Variants in ZHX3 observed in about 807,000 individuals in gnomAD.
ZHX3 encodes the protein zinc fingers and homeoboxes 3, also known as zinc fingers and homeoboxes protein 3.
Under a neutral mutation model 64.5 loss-of-function variants are expected in ZHX3, and 20 were observed. That is an observed-to-expected ratio of 0.31 (90% CI 0.22 to 0.45). The LOEUF is 0.45. ZHX3 is among the 20% of genes least tolerant of loss of function. The pLI, the probability that ZHX3 is intolerant of heterozygous loss-of-function variation, is 1.00. For missense variants in ZHX3, 1,041 were observed against 1,195.8 expected (o/e 0.87, Z 1.91); for synonymous variants, 423 against 461.6 (o/e 0.92, Z 1.07).
In ZHX3 at chr20:41,203,180, C is replaced by T. The variant is rs371228568; in HGVS notation, c.1737G>A (p.Ser579=). Reference sequence around the variant, plus strand: ...TGCAGGTTACCTCAGGGACCTTGGACGATGGGGAGAAGGACACCTCTGGCA... The same window carrying T: ...TGCAGGTTACCTCAGGGACCTTGGATGATGGGGAGAAGGACACCTCTGGCA... ...DSVPEVSFSP[S]SKVPEVTCIP... is the part of the protein sequence containing the mutation. Residue 579 remains serine (S), a synonymous_variant, in exon 3 of 4, where the codon TCG becomes TCA. Transcript: ENST00000683867. This position sits in a 1 kb window ranked among gnomAD's most constrained non-coding sequence, Gnocchi z 7.1. 6.8e-5 allele frequency: 109 copies of T among 1,613,948 alleles called. No homozygotes were observed. The Admixed American group carries it at 1.4e-3, about 20-fold the overall frequency.
Position 41,180,815 on chromosome 20 carries a change from A to C in ZHX3, c.*4376T>G, listed in dbSNP as rs2036223585. On this transcript the variant is annotated 3_prime_UTR_variant, in exon 4 of 4. Coordinates refer to ENST00000683867, the MANE Select transcript of ZHX3 (RefSeq NM_001384317.1). ...CTTGATTGCCACTTTTCCTCCAGCC[A>C]CTCTGTCAAAATCAAAACTGGTTGC... The C allele has an allele frequency of 6.6e-6, 1 of 152,020 alleles. No homozygotes were observed. The highest frequency in any genetic ancestry group is 1.5e-5 in the Non-Finnish European group (1 of 68,022). The allele number at this position is 152,020 out of a possible 1,614,324, so 9.4% of individuals were successfully genotyped here. A position where few individuals can be genotyped will look rare whatever the true frequency, so the allele number is the denominator to read the frequency against.
intron 2 of ZHX3, among the ~76,000 whole-genome samples, chr20:41,253,994 T>C (rs2042115366): frequency 6.6e-6 from 1 of 152,100 alleles, no homozygotes; most frequent in Non-Finnish European, 1.5e-5. Context: ...TCAATACTTG[T>C]TAGTTCTCAG....
intron 2 of ZHX3, among the ~76,000 whole-genome samples, chr20:41,237,163 G>C (rs369817529): frequency 1.3e-5 from 2 of 152,218 alleles, no homozygotes; most frequent in Admixed American, 1.3e-4. Context: ...ACACTGTTGG[G>C]GGGACTGTAA....
chr20:41,305,992 T>C (rs1224605653), intron 1 of ZHX3, among the ~76,000 whole-genome samples: 14 of 152,124 alleles, frequency 9.2e-5, no homozygotes, highest in Non-Finnish European at 1.5e-4. Context: ...TCCATTGTTG[T>C]AATAAAAAAT....
intron 3 of ZHX3, chr20:41,188,699 C>T (rs989333794): frequency 1.4e-4 from 21 of 152,242 alleles, no homozygotes; most frequent in African/African-American, 5.1e-4. Context: ...CTGTGCCCCA[C>T]CTTTTGCCCA....
chr20:41,215,020 G>A (rs1261495700), intron 2 of ZHX3, among the ~76,000 whole-genome samples: 2 of 152,128 alleles, frequency 1.3e-5, no homozygotes, highest in Non-Finnish European at 2.9e-5. Flanking sequence ...TTGGAAGGCC[G>A]AAACGAGTGG....
At chr20:41,234,796 C>T (rs935046541) in intron 2 of ZHX3, among the ~76,000 whole-genome samples, 6 of 152,240 alleles carry the variant, frequency 3.9e-5, no homozygotes, top group Non-Finnish European at 8.8e-5. Context: ...CAGCTGGCTG[C>T]TCGGCCAGGC....
At chr20:41,206,922 G>T (rs1326913489) in intron 2 of ZHX3, among the ~76,000 whole-genome samples, 1 of 152,176 alleles carries the variant, frequency 6.6e-6, no homozygotes, top group African/African-American at 2.4e-5. Context: ...ACCCACAAAG[G>T]GAAGCCCATC....
At chr20:41,208,270 G>C (rs531380637) in intron 2 of ZHX3, among the ~76,000 whole-genome samples, 11 of 152,156 alleles carry the variant, frequency 7.2e-5, no homozygotes, top group Non-Finnish European at 1.5e-4. Context: ...GTACAAAGAG[G>C]AGCTGGTACT....
Position 41,185,123 on chromosome 20 carries a change from G to T in ZHX3, c.*68C>A. ...AACGGCATGTGGCAGCAGAGAGTCG[G>T]GTTTGGCTCTTCCACGTGGCAGGCG... On this transcript the variant is annotated 3_prime_UTR_variant, in exon 4 of 4. Transcript: ENST00000683867. This position sits in a 1 kb window ranked among gnomAD's most constrained non-coding sequence, Gnocchi z 5.0. 1 of 1,588,240 alleles carries T rather than the reference G, an allele frequency of 6.3e-7. No homozygotes were observed. Among genetic ancestry groups the T allele is most frequent in the Non-Finnish European group, 8.6e-7 (1 of 1,165,638 alleles).
intron 1 of ZHX3, among the ~76,000 whole-genome samples, chr20:41,315,287 A>ATTCTCCT (rs1386289568): frequency 6.7e-6 from 1 of 148,666 alleles, no homozygotes; most frequent in Non-Finnish European, 1.5e-5. Flanking sequence ...GGTTCAAGCA[A>ATTCTCCT]TTCTCCTGCC....
intron 2 of ZHX3, among the ~76,000 whole-genome samples, chr20:41,234,877 A>G (rs2040861295): frequency 6.6e-6 from 1 of 152,182 alleles, no homozygotes; most frequent in African/African-American, 2.4e-5. Flanking sequence ...AGCCTTTGTC[A>G]CTGCTGACAT....
At position 41,263,784 on chromosome 20, in the gene ZHX3, A is replaced by C. The variant is rs376871111; in HGVS notation, c.-151+5206T>G. Reference sequence around the variant, plus strand: ...TTTGAAGGATTCATAAGAAACTGACAGGAGCTGCTGCCTAAGAGAGGGGAG... The same window carrying C: ...TTTGAAGGATTCATAAGAAACTGACCGGAGCTGCTGCCTAAGAGAGGGGAG... On this transcript the variant is annotated intron_variant, in intron 2 of 3. Transcript: ENST00000683867. Among the ~76,000 whole-genome samples, 54 of 152,328 alleles carry C rather than the reference A, an allele frequency of 3.5e-4. 1 individual carries two copies. The East Asian group carries it at 4.8e-3, about 14-fold the overall frequency.
intron 1 of ZHX3, among the ~76,000 whole-genome samples, chr20:41,275,082 C>G (rs2043316286): frequency 6.6e-6 from 1 of 152,020 alleles, no homozygotes; most frequent in Non-Finnish European, 1.5e-5. Context: ...CACTTGAACC[C>G]AGGAGGCGGA....
In ZHX3 at chr20:41,200,095, C is replaced by T. The variant is rs1417939128; in HGVS notation, c.2860+1962G>A. On this transcript the variant is annotated intron_variant, in intron 3 of 3. Coordinates refer to ENST00000683867, the MANE Select transcript of ZHX3 (RefSeq NM_001384317.1). The surrounding 1 kb of genome is among the most constrained non-coding windows in gnomAD (Gnocchi z 4.2). ...TTTTCCACAGTTGCCTGCTGCAGAG[C>T]TTGCGGATGCTGAAACAAAAAAAAA... Among the ~76,000 whole-genome samples, 2 of 140,382 alleles carry T rather than the reference C, an allele frequency of 1.4e-5. No individual in the cohort carries two copies. Among genetic ancestry groups the T allele is most frequent in the Non-Finnish European group, 3.0e-5 (2 of 66,500 alleles). 92.1% of individuals were successfully genotyped at this position (140,382 alleles called of 152,430 possible). A position where few individuals can be genotyped will look rare whatever the true frequency, so the allele number is the denominator to read the frequency against.
In ZHX3 at chr20:41,204,839, C is replaced by T. The variant is rs1191579619; in HGVS notation, c.78G>A (p.Glu26=). The T allele has an allele frequency of 6.3e-7, 1 of 1,599,768 alleles. No homozygotes were observed. Among genetic ancestry groups the T allele is most frequent in the Admixed American group, 1.7e-5 (1 of 58,336 alleles). ...KTVVLQDASM[E]AQPAETLPEG... ...CAGGCAAGGTCTCAGCGGGCTGGGC[C>T]TCCATGCTGGCATCTTGCAACACCA... Residue 26 remains glutamate (E), a synonymous_variant, in exon 3 of 4, where the codon GAG becomes GAA. Transcript: ENST00000683867. This position sits in a 1 kb window ranked among gnomAD's most constrained non-coding sequence, Gnocchi z 6.6.
chr20:41,185,075 G>C lies in ZHX3; in HGVS notation c.*116C>G, dbSNP rs745654645. 9.0e-6 allele frequency: 14 copies of C among 1,556,344 alleles called. No homozygotes were observed. The highest frequency in any genetic ancestry group is 1.7e-4 in the Middle Eastern group (1 of 6,020). On this transcript the variant is annotated 3_prime_UTR_variant, in exon 4 of 4. Coordinates refer to ENST00000683867, the MANE Select transcript of ZHX3 (RefSeq NM_001384317.1). This position sits in a 1 kb window ranked among gnomAD's most constrained non-coding sequence, Gnocchi z 5.0. ...TGCGAGGATTCTGGAAGCTCTCCCA[G>C]GTGCCCAGCAGCCGGGCATGGGAAC...
At chr20:41,254,036 G>C (rs1290223648) in intron 2 of ZHX3, among the ~76,000 whole-genome samples, 1 of 152,126 alleles carries the variant, frequency 6.6e-6, no homozygotes, top group East Asian at 1.9e-4. Flanking sequence ...TGTAATCCCA[G>C]CACTTTGGGA....
intron 3 of ZHX3, among the ~76,000 whole-genome samples, chr20:41,197,497 T>C (rs2037838718): frequency 6.6e-6 from 1 of 151,046 alleles, no homozygotes. Flanking sequence ...AGCTGTCATA[T>C]GGTTACTATT....
Sources: gnomAD v4.1 joint callset for allele counts (sites outside exome capture counted in the v4.1 genomes callset) on GRCh38, gnomAD v4.1.1 for gene constraint, Gnocchi (gnomAD v3.1) non-coding constraint, MANE v1.5 for transcripts, NCBI Gene and HGNC (gene_info 2026-07-23, HGNC 2026-07-21) for gene names.